FCMR: variants seen among roughly 807,000 people sequenced by gnomAD.
FCMR encodes the protein immunoglobulin mu Fc receptor.
Under a neutral mutation model 41.6 loss-of-function variants are expected in FCMR, and 34 were observed. The ratio of observed to expected loss-of-function variants is 0.82; its 90% confidence interval spans 0.62 to 1.09. FCMR has a LOEUF of 1.09. FCMR is among the 50% of genes least tolerant of loss of function. The probability of loss-of-function intolerance (pLI) is 0.00; values close to 1 mark genes in which losing one functional copy is unlikely to be tolerated. For missense variants in FCMR, 496 were observed against 512.5 expected (o/e 0.97, Z 0.31); for synonymous variants, 209 against 211.8 (o/e 0.99, Z 0.12).
intron 2 of FCMR, 118 bp downstream of exon 2, chr1:206,913,641 G>T: frequency 1.3e-6 from 1 of 761,470 alleles, no homozygotes; most frequent in Non-Finnish European, 2.2e-6. Context: ...TCATTATGTG[G>T]CTTATATGGC....
chr1:206,906,205 A>G (rs1325709579), intron 7 of FCMR: 1 of 477,094 alleles, frequency 2.1e-6, no homozygotes, highest in Non-Finnish European at 4.2e-6. Context: ...CCAGCACATA[A>G]CAATAGGAGA....
intron 3 of FCMR, among the ~76,000 whole-genome samples, chr1:206,912,357 G>A (rs1168996975): frequency 1.3e-5 from 2 of 152,154 alleles, no homozygotes; most frequent in Non-Finnish European, 2.9e-5. Flanking sequence ...CTCTCAGCAG[G>A]GTTACCTAGT....
In FCMR at chr1:206,909,626, G is replaced by A. The variant is rs1010553544; in HGVS notation, c.985+99C>T. 3.8e-6 allele frequency: 5 copies of A among 1,309,692 alleles called. No individual in the cohort carries two copies. Among genetic ancestry groups the A allele is most frequent in the Non-Finnish European group, 2.9e-6 (3 of 1,021,300 alleles). The allele number at this position is 1,309,692 out of a possible 1,614,324, so 81.1% of individuals were successfully genotyped here. A position where few individuals can be genotyped will look rare whatever the true frequency, so the allele number is the denominator to read the frequency against. On this transcript the variant is annotated intron_variant, in intron 6 of 7. Coordinates refer to ENST00000367091, the MANE Select transcript of FCMR (RefSeq NM_005449.5). This position sits in a 1 kb window ranked among gnomAD's most constrained non-coding sequence, Gnocchi z 5.0. ...CGCCCCACTCCCAGCTCCACCCTGTGGGAAGCCCTGGCACCTGGGAGCGCG... is the reference window on the plus strand; with the variant it reads ...CGCCCCACTCCCAGCTCCACCCTGTAGGAAGCCCTGGCACCTGGGAGCGCG...
intron 7 of FCMR, chr1:206,906,161 G>T: frequency 5.8e-6 from 3 of 517,806 alleles, no homozygotes; most frequent in South Asian, 4.4e-5. Context: ...CTGGATCCCA[G>T]AACAGCTCAA....
rs1358600624 is a variant in FCMR, at chr1:206,913,754, C to G, written c.373+5G>C. ...TCTGAGCCTCCAATCAGCGGAGGAA[C>G]CTACCACTGTGGACATTCAGGGTGA... On this transcript the variant is annotated splice_donor_5th_base_variant and intron_variant, in intron 2 of 7. Transcript: ENST00000367091. 1.2e-6 allele frequency: 2 copies of G among 1,611,924 alleles called. No individual in the cohort carries two copies. The highest frequency in any genetic ancestry group is 1.7e-5 in the Admixed American group (1 of 59,988).
chr1:206,921,675 C>T (rs1453394603), intron 1 of FCMR, 143 bp downstream of exon 1: 1 of 749,586 alleles, frequency 1.3e-6, no homozygotes, highest in Admixed American at 2.2e-5. Flanking sequence ...CTCACATGGC[C>T]TCCATTCTTG....
At chr1:206,910,024 C>T (rs921912622) in intron 5 of FCMR, 156 bp from the exon 6 acceptor site, 9 of 1,136,308 alleles carry the variant, frequency 7.9e-6, no homozygotes, top group Non-Finnish European at 1.1e-5. Context: ...CCTTGCCCTG[C>T]CCTGAAGACC....
intron 4 of FCMR, among the ~76,000 whole-genome samples, chr1:206,910,736 C>T (rs1414061203): frequency 1.3e-5 from 2 of 152,106 alleles, no homozygotes; most frequent in Admixed American, 6.5e-5. Context: ...TGGGCTAGTT[C>T]CTTATAATGG....
At position 206,909,462 on chromosome 1, in the gene FCMR, C is replaced by G. The variant is rs985030613; in HGVS notation, c.1044G>C (p.Gln348His). ...PGAPLPPAPL[Q>H]VSESPWLHAP... ...CAATCAGGGCAGGAGCGGAGCTTAC[C>G]TGCAGCGGGGCGGGGGGCAACGGCG... Residue 348 changes from glutamine (Q) to histidine (H), a missense_variant and splice_region_variant, in exon 7 of 8, where the codon CAG (glutamine) becomes CAC (histidine). Gln to His is a conservative substitution (Grantham distance 24). Coordinates refer to ENST00000367091, the MANE Select transcript of FCMR (RefSeq NM_005449.5). The surrounding 1 kb of genome is among the most constrained non-coding windows in gnomAD (Gnocchi z 5.0). The G allele has an allele frequency of 1.2e-5, 15 of 1,281,778 alleles. No individual in the cohort carries two copies. In the East Asian group the frequency reaches 4.4e-4, roughly 38 times the overall value. The allele number at this position is 1,281,778 out of a possible 1,614,324, so 79.4% of individuals were successfully genotyped here.
At position 206,921,879 on chromosome 1, in the gene FCMR, A is replaced by C; in HGVS notation, c.-25T>G. 1 of 1,613,050 alleles carries C rather than the reference A, an allele frequency of 6.2e-7. No homozygotes were observed. The highest frequency in any genetic ancestry group is 2.2e-5 in the East Asian group (1 of 44,874). On this transcript the variant is annotated 5_prime_UTR_variant, in exon 1 of 8. An upstream start codon of the reference 5' UTR is lost. Transcript: ENST00000367091. ...TTGTCCCTTCTAGAGTGCAAGGTCC[A>C]TCCAAGAGCCCCTAGAGAGGGGGAT...
chr1:206,910,034 C>A, intron 5 of FCMR, 166 bp from the exon 6 acceptor site: 1 of 1,115,922 alleles, frequency 9.0e-7, no homozygotes, highest in Non-Finnish European at 1.2e-6. Flanking sequence ...CCCTGAAGAC[C>A]AAAGGGCCCA....
Position 206,917,833 on chromosome 1 carries a change from G to A in FCMR, c.38-3739C>T, listed in dbSNP as rs1322494063. 4 of 453,322 alleles carry A rather than the reference G, an allele frequency of 8.8e-6. No individual in the cohort carries two copies. In the East Asian group the frequency reaches 2.8e-4, roughly 32 times the overall value. The allele number at this position is 453,322 out of a possible 1,614,324, so 28.1% of individuals were successfully genotyped here. On this transcript the variant is annotated intron_variant, in intron 1 of 7. Transcript: ENST00000367091. ...TTAGAGATGGGCTTTCACCCAGGCT[G>A]GTCTTGAATCCCAGGCTCAAATGAT...
At position 206,909,934 on chromosome 1, in the gene FCMR, A is replaced by G. The variant is rs1678851981; in HGVS notation, c.842-66T>C. The G allele has an allele frequency of 3.7e-6, 5 of 1,358,102 alleles. No homozygotes were observed. Among genetic ancestry groups the G allele is most frequent in the African/African-American group, 3.1e-5 (2 of 64,904 alleles). 84.1% of individuals were successfully genotyped at this position (1,358,102 alleles called of 1,614,324 possible). ...CAGAGGCCCGTGCCACCCTCCCCAA[A>G]CGAAAGGCTGCCTCCTCCCTCGGGC... On this transcript the variant is annotated intron_variant, in intron 5 of 7. Coordinates refer to ENST00000367091, the MANE Select transcript of FCMR (RefSeq NM_005449.5). The surrounding 1 kb of genome is among the most constrained non-coding windows in gnomAD (Gnocchi z 5.0).
chr1:206,921,051 A>C (rs1679418037), intron 1 of FCMR, among the ~76,000 whole-genome samples: 1 of 152,216 alleles, frequency 6.6e-6, no homozygotes, highest in Admixed American at 6.5e-5. Context: ...TTTACATTTC[A>C]AATCTTGGTG....
chr1:206,909,404 A>T lies in FCMR; in HGVS notation c.1044+58T>A, dbSNP rs1358254892. ...GGAAGCCACACTCGGGTCCCCGCCCAGGGCTGGGGCCGCCCAGTCGGGCCG... is the reference window on the plus strand; with the variant it reads ...GGAAGCCACACTCGGGTCCCCGCCCTGGGCTGGGGCCGCCCAGTCGGGCCG... On this transcript the variant is annotated intron_variant, in intron 7 of 7. Coordinates refer to ENST00000367091, the MANE Select transcript of FCMR (RefSeq NM_005449.5). The surrounding 1 kb of genome is among the most constrained non-coding windows in gnomAD (Gnocchi z 5.0). 3.6e-6 allele frequency: 4 copies of T among 1,096,496 alleles called. No individual in the cohort carries two copies. The highest frequency in any genetic ancestry group is 4.6e-6 in the Non-Finnish European group (4 of 863,486). 67.9% of individuals were successfully genotyped at this position (1,096,496 alleles called of 1,614,324 possible).
In FCMR at chr1:206,911,753, G is replaced by T. The variant is rs751151949; in HGVS notation, c.687C>A (p.His229Gln). ...ACCTCTGCCTGTGCAGCCTGGTGTGGTGGTTGTAGCTGGGCGTCTGGGGCT... is the reference window on the plus strand; with the variant it reads ...ACCTCTGCCTGTGCAGCCTGGTGTGTTGGTTGTAGCTGGGCGTCTGGGGCT... Reference protein sequence around the residue: ...LLKPQTPSYNHHTRLHRQRAL... With the variant: ...LLKPQTPSYNQHTRLHRQRAL... Residue 229 changes from histidine (H) to glutamine (Q), a missense_variant, in exon 4 of 8, where the codon CAC becomes CAA. Transcript: ENST00000367091. 3 of 1,611,010 alleles carry T rather than the reference G, an allele frequency of 1.9e-6. No individual in the cohort carries two copies. In the African/African-American group the frequency reaches 4.0e-5, roughly 22 times the overall value.
rs1474515165 is a variant in FCMR at position 206,910,479 on chromosome 1, CCCTCAAAAAGACTTG to C, written c.711-154_711-140del. On this transcript the variant is annotated intron_variant, in intron 4 of 7. Transcript: ENST00000367091. ...TGTTAACAGAATTCACTCCACTCCCCCCTCAAAAAGACTTGCCTATGGAGTCACGAAACTTGAATT... is the reference window on the plus strand; with the variant it reads ...TGTTAACAGAATTCACTCCACTCCCCCCTATGGAGTCACGAAACTTGAATT... The C allele has an allele frequency of 5.8e-5, 34 of 587,868 alleles. No individual in the cohort carries two copies. In the East Asian group the frequency reaches 1.2e-3, roughly 21 times the overall value. The allele number at this position is 587,868 out of a possible 1,614,324, so 36.4% of individuals were successfully genotyped here.
intron 1 of FCMR, 63 bp downstream of exon 1, chr1:206,921,755 A>T: frequency 1.4e-6 from 2 of 1,456,296 alleles, no homozygotes; most frequent in Non-Finnish European, 1.9e-6. Flanking sequence ...CCAGGCAATT[A>T]TTCTACTTGT....
Position 206,909,394 on chromosome 1 carries a change from G to A in FCMR, c.1044+68C>T. The A allele has an allele frequency of 1.0e-6, 1 of 1,002,966 alleles. No individual in the cohort carries two copies. The allele number at this position is 1,002,966 out of a possible 1,614,324, so 62.1% of individuals were successfully genotyped here. On this transcript the variant is annotated intron_variant, in intron 7 of 7. Transcript: ENST00000367091. The surrounding 1 kb of genome is among the most constrained non-coding windows in gnomAD (Gnocchi z 5.0). ...CGGCGGCGCGGGAAGCCACACTCGG[G>A]TCCCCGCCCAGGGCTGGGGCCGCCC...
Sources: allele counts gnomAD v4.1 joint callset (sites outside exome capture counted in the v4.1 genomes callset), GRCh38; gene constraint gnomAD v4.1.1; non-coding constraint Gnocchi (gnomAD v3.1); transcripts MANE v1.5; gene names NCBI Gene and HGNC (gene_info 2026-07-23, HGNC 2026-07-21).